Variants in USF2 observed in about 807,000 individuals in gnomAD.
USF2 encodes upstream stimulatory factor 2.
Under a neutral mutation model 46.9 loss-of-function variants are expected in USF2, and 16 were observed. That is an observed-to-expected ratio of 0.34 (90% CI 0.23 to 0.52). The LOEUF (loss-of-function observed/expected upper bound fraction) is 0.52, where lower values mean the gene tolerates loss of function less well. USF2 is among the 20% of genes least tolerant of loss of function. USF2 has a pLI of 0.96. For missense variants in USF2, 411 were observed against 474.0 expected (o/e 0.87, Z 1.23); for synonymous variants, 239 against 194.1 (o/e 1.23, Z -1.92).
chr19:35,273,253 C>G (rs561351180), intron 7 of USF2, among the ~76,000 whole-genome samples: 3 of 152,200 alleles, frequency 2.0e-5, no homozygotes, highest in Non-Finnish European at 4.4e-5. Context: ...TCTACCAAAA[C>G]AGCTCCACTT....
Position 35,269,715 on chromosome 19 carries a change from C to T in USF2, c.228+16C>T. 22 of 332,492 alleles carry T rather than the reference C, an allele frequency of 6.6e-5. No homozygotes were observed. The highest frequency in any genetic ancestry group is 9.4e-5 in the Non-Finnish European group (22 of 234,824). 20.6% of individuals were successfully genotyped at this position (332,492 alleles called of 1,614,324 possible). On this transcript the variant is annotated intron_variant, in intron 3 of 9. Transcript: ENST00000222305. ...TGGAGGACAGGTGAGCGGCGGGCCG[C>T]GAGGGCGAACGGGCGGGCGGGCGGG...
Position 35,278,750 on chromosome 19 carries a change from A to C in USF2, c.780A>C (p.Lys260Asn), listed in dbSNP as rs1320119248. 1 of 1,613,928 alleles carries C rather than the reference A, an allele frequency of 6.2e-7. No homozygotes were observed. Among genetic ancestry groups the C allele is most frequent in the South Asian group, 1.1e-5 (1 of 91,078 alleles). The change falls in exon 8 of 10, where the codon AAA (lysine) becomes AAC (asparagine). Residue 260 changes from lysine to asparagine, a missense_variant. This residue lies in a region of USF2 where 93 missense variants were observed against 151.6 expected (regional missense o/e 0.61). Transcript: ENST00000222305. The part of the protein sequence containing the change: ...KINNWIVQLS[K>N]IIPDCNADNS... Reference sequence around the variant, plus strand: ...ACAACTGGATCGTCCAGCTTTCGAAAATCATTCCAGACTGTAACGCAGACA... The same window carrying C: ...ACAACTGGATCGTCCAGCTTTCGAACATCATTCCAGACTGTAACGCAGACA...
Position 35,270,479 on chromosome 19 carries a change from C to T in USF2, c.462C>T (p.Gly154=), listed in dbSNP as rs774160652. The change falls in exon 5 of 10, where the codon GGC becomes GGT. Residue 154 remains glycine (G), a synonymous_variant. Coordinates refer to ENST00000222305, the MANE Select transcript of USF2 (RefSeq NM_003367.4). ...TCCAAAATCCCTTCAGCAATGGTGG[C>T]AGTCCGGCGGCCGAGGCTGTCAGCG... is the stretch of plus-strand genomic sequence containing the variant. ...AVIQNPFSNG[G]SPAAEAVSGE... 1.9e-6 allele frequency: 3 copies of T among 1,613,862 alleles called. No homozygotes were observed. In the South Asian group the frequency reaches 3.3e-5, roughly 18 times the overall value.
At position 35,269,452 on chromosome 19, in the gene USF2, C is replaced by T; in HGVS notation, c.69C>T (p.Asp23=). ...SATAAAAASH[D]KGPEAEEGVE... ...CCTCCTGTGCCCCTGGCAGCCACGACAAGGGACCCGAGGCGGAGGAGGGCG... is the reference window on the plus strand; with the variant it reads ...CCTCCTGTGCCCCTGGCAGCCACGATAAGGGACCCGAGGCGGAGGAGGGCG... Residue 23 remains aspartate (D), a synonymous_variant, in exon 2 of 10, where the codon GAC becomes GAT. Transcript: ENST00000222305. 1 of 1,539,298 alleles carries T rather than the reference C, an allele frequency of 6.5e-7. No individual in the cohort carries two copies. Among genetic ancestry groups the T allele is most frequent in the Non-Finnish European group, 8.7e-7 (1 of 1,151,860 alleles).
chr19:35,279,789 A>C lies in USF2; in HGVS notation c.*533A>C, dbSNP rs943330059. Reference sequence around the variant, plus strand: ...AATAGAGAGAGAGGTATTTAACTGCAATAAACTGGCCCCATGTGGCCCCCG... The same window carrying C: ...AATAGAGAGAGAGGTATTTAACTGCCATAAACTGGCCCCATGTGGCCCCCG... On this transcript the variant is annotated 3_prime_UTR_variant, in exon 10 of 10. Coordinates refer to ENST00000222305, the MANE Select transcript of USF2 (RefSeq NM_003367.4). 6.5e-6 allele frequency: 1 copy of C among 153,448 alleles called. No individual in the cohort carries two copies. The highest frequency in any genetic ancestry group is 2.4e-5 in the African/African-American group (1 of 41,432). 9.5% of individuals were successfully genotyped at this position (153,448 alleles called of 1,614,324 possible).
chr19:35,270,020 C>T lies in USF2; in HGVS notation c.429+17C>T, dbSNP rs1253984617. The T allele has an allele frequency of 7.4e-7, 1 of 1,343,672 alleles. No individual in the cohort carries two copies. Among genetic ancestry groups the T allele is most frequent in the Non-Finnish European group, 9.5e-7 (1 of 1,054,334 alleles). The allele number at this position is 1,343,672 out of a possible 1,614,324, so 83.2% of individuals were successfully genotyped here. A position where few individuals can be genotyped will look rare whatever the true frequency, so the allele number is the denominator to read the frequency against. On this transcript the variant is annotated intron_variant, in intron 4 of 9. Transcript: ENST00000222305. ...TTCCCGCTGGTAGGTGCCCTGCCAC[C>T]CCTGGGTGGGGGGGGGAGGGAGTGG...
In USF2 at chr19:35,269,453, A is replaced by G. The variant is rs2066108826; in HGVS notation, c.70A>G (p.Lys24Glu). 1 of 1,536,256 alleles carries G rather than the reference A, an allele frequency of 6.5e-7. No individual in the cohort carries two copies. ...CTCCTGTGCCCCTGGCAGCCACGAC[A>G]AGGGACCCGAGGCGGAGGAGGGCGT... ...ATAAAAASHD[K>E]GPEAEEGVEL... The change falls in exon 2 of 10, where the codon AAG (lysine) becomes GAG (glutamate). Residue 24 changes from lysine (K) to glutamate (E), a missense_variant. This residue lies in a region of USF2 where 318 missense variants were observed against 322.4 expected (regional missense o/e 0.99). Coordinates refer to ENST00000222305, the MANE Select transcript of USF2 (RefSeq NM_003367.4).
In USF2 at chr19:35,279,280, C is replaced by T; in HGVS notation, c.*24C>T. The T allele has an allele frequency of 6.7e-7, 1 of 1,482,792 alleles. No homozygotes were observed. Among genetic ancestry groups the T allele is most frequent in the South Asian group, 1.4e-5 (1 of 74,044 alleles). The allele number at this position is 1,482,792 out of a possible 1,614,324, so 91.9% of individuals were successfully genotyped here. On this transcript the variant is annotated 3_prime_UTR_variant, in exon 10 of 10. Transcript: ENST00000222305. ...GACGCCCGCCACCACCACGCAGCCGCCGCCGCCCACGCCGGCCTCTGCTGC... is the reference window on the plus strand; with the variant it reads ...GACGCCCGCCACCACCACGCAGCCGTCGCCGCCCACGCCGGCCTCTGCTGC...
intron 7 of USF2, among the ~76,000 whole-genome samples, chr19:35,273,645 C>T (rs994167185): frequency 6.6e-6 from 1 of 152,184 alleles, no homozygotes; most frequent in African/African-American, 2.4e-5. Context: ...GCAGCCTTGA[C>T]CTCCCAGGCT....
In USF2 at chr19:35,269,477, G is replaced by T; in HGVS notation, c.94G>T (p.Val32Phe). Reference sequence around the variant, plus strand: ...CAAGGGACCCGAGGCGGAGGAGGGCGTCGAGCTGCAGGAAGGTGAGTGCTT... The same window carrying T: ...CAAGGGACCCGAGGCGGAGGAGGGCTTCGAGCTGCAGGAAGGTGAGTGCTT... ...HDKGPEAEEGVELQEGGDGPG... is the reference protein window; with the variant it reads ...HDKGPEAEEGFELQEGGDGPG... The change falls in exon 2 of 10, where the codon GTC (valine) becomes TTC (phenylalanine). Residue 32 changes from valine to phenylalanine, a missense_variant. By Grantham distance (50) the Val-to-Phe change is conservative. Around this residue, in one of 2 missense-constraint regions of USF2, gnomAD observed 318 missense variants for 322.4 expected, o/e 0.99. Transcript: ENST00000222305. 1 of 1,551,404 alleles carries T rather than the reference G, an allele frequency of 6.4e-7. No homozygotes were observed. The highest frequency in any genetic ancestry group is 1.2e-5 in the South Asian group (1 of 84,388).
intron 4 of USF2, chr19:35,270,228 A>G (rs2066130640): frequency 2.2e-6 from 2 of 892,484 alleles, no homozygotes; most frequent in African/African-American, 1.7e-5. Context: ...CTTAAGAGGA[A>G]AGTTTCTTAG....
chr19:35,272,375 G>A (rs2066170066), intron 7 of USF2, among the ~76,000 whole-genome samples: 2 of 152,098 alleles, frequency 1.3e-5, no homozygotes, highest in Admixed American at 6.5e-5. Flanking sequence ...TTCGAGAGGT[G>A]ACATTGAAGC....
chr19:35,276,069 CTTTTTTTTT>C (rs752967792), intron 7 of USF2, among the ~76,000 whole-genome samples: 4 of 112,028 alleles, frequency 3.6e-5, no homozygotes, highest in Non-Finnish European at 5.2e-5. Context: ...TGAATTTTCT[CTTTTTTTTT>C]TTTTTTTTTT....
intron 4 of USF2, 91 bp from the exon 5 acceptor site, chr19:35,270,356 G>A: frequency 6.6e-7 from 1 of 1,526,390 alleles, no homozygotes; most frequent in Non-Finnish European, 8.8e-7. Flanking sequence ...GTTAATTGCA[G>A]AGAATGCAGT....
At chr19:35,270,925 C>T (rs1489606497) in intron 6 of USF2, 120 bp downstream of exon 6, 11 of 1,432,904 alleles carry the variant, frequency 7.7e-6, no homozygotes, top group Non-Finnish European at 7.8e-6. Flanking sequence ...TTTTCTTTGC[C>T]TGTTTCTGCT....
chr19:35,271,028 T>G, intron 6 of USF2, 55 bp from the exon 7 acceptor site: 2 of 1,602,642 alleles, frequency 1.2e-6, no homozygotes, highest in Non-Finnish European at 1.7e-6. Flanking sequence ...AGCAGATGCT[T>G]GGGCAAACAG....
At chr19:35,276,110 C>T (rs1260488580) in intron 7 of USF2, among the ~76,000 whole-genome samples, 1 of 124,860 alleles carries the variant, frequency 8.0e-6, no homozygotes, top group Non-Finnish European at 1.6e-5. Context: ...CTCGCTCTGT[C>T]ACCCAAGCTG....
chr19:35,270,172 C>T (rs2066129257), intron 4 of USF2, 169 bp downstream of exon 4: 6 of 975,250 alleles, frequency 6.2e-6, no homozygotes, highest in Middle Eastern at 3.4e-4. Flanking sequence ...AACCTGGGGA[C>T]AGTGCTCTTG....
intron 7 of USF2, among the ~76,000 whole-genome samples, chr19:35,275,619 A>G (rs1047854449): frequency 6.6e-6 from 1 of 152,056 alleles, no homozygotes; most frequent in Admixed American, 6.5e-5. Flanking sequence ...CATTCAGTTT[A>G]AAGTGTTTTC....
Sources: gnomAD v4.1 joint callset for allele counts (sites outside exome capture counted in the v4.1 genomes callset) on GRCh38, gnomAD v4.1.1 for gene constraint, gnomAD v4.1.1 regional missense constraint, MANE v1.5 for transcripts, NCBI Gene and HGNC (gene_info 2026-07-23, HGNC 2026-07-21) for gene names.